FRAS1: variants seen among roughly 807,000 people sequenced by gnomAD.
FRAS1 encodes the protein extracellular matrix organizing protein FRAS1.
FRAS1 carries 290 observed loss-of-function variants against 435.2 expected under a neutral mutation model. The ratio of observed to expected loss-of-function variants is 0.67; its 90% CI spans 0.61 to 0.73. The LOEUF (loss-of-function observed/expected upper bound fraction) is 0.73, where lower values mean the gene tolerates loss of function less well. Ranked by LOEUF, FRAS1 falls within the 30% of genes least tolerant of loss-of-function variation. The pLI is 0.00. For synonymous variants in FRAS1, 1,800 were observed against 1,851.0 expected (o/e 0.97, Z 0.71); for missense variants, 4,860 against 5,001.5 (o/e 0.97, Z 0.85).
intron 9 of FRAS1, among the ~76,000 whole-genome samples, chr4:78,274,391 C>A (rs991651692): frequency 1.3e-5 from 2 of 152,090 alleles, no homozygotes; most frequent in African/African-American, 4.8e-5. Flanking sequence ...TCTCTAGTTC[C>A]TTTCATTGTG....
At chr4:78,369,045 A>G (rs66655467) in intron 22 of FRAS1, among the ~76,000 whole-genome samples, 25,445 of 152,204 alleles carry the variant, frequency 0.17, 2,736 homozygotes, top group East Asian at 0.34. Flanking sequence ...GGGGAAACCA[A>G]TTAGGAGGCT....
chr4:78,236,308 A>ATTTTT (rs146438795), intron 2 of FRAS1, among the ~76,000 whole-genome samples: 50 of 151,142 alleles, frequency 3.3e-4, no homozygotes, highest in South Asian at 1.5e-3. Context: ...TTATTTATTT[A>ATTTTT]TTTTTTGGCT....
Position 78,475,529 on chromosome 4 carries a change from G to C in FRAS1, c.7774G>C (p.Glu2592Gln). ...NQYAIVLCRT[E>Q]QGTASSSSRV... The stretch of plus-strand genomic sequence containing the variant: ...ATATGCCATCGTCCTGTGTCGCACC[G>C]AGCAAGGCACCGCCAGCTCCAGCTC... Residue 2592 changes from glutamate (E) to glutamine (Q), a missense_variant, in exon 54 of 74, where the codon GAG becomes CAG. Coordinates refer to ENST00000512123, the MANE Select transcript of FRAS1 (RefSeq NM_025074.7). 1 of 1,613,766 alleles carries C rather than the reference G, an allele frequency of 6.2e-7. No individual in the cohort carries two copies. The highest frequency in any genetic ancestry group is 8.5e-7 in the Non-Finnish European group (1 of 1,179,758).
intron 9 of FRAS1, among the ~76,000 whole-genome samples, chr4:78,272,369 G>T (rs186278823): frequency 1.7e-3 from 257 of 152,278 alleles, no homozygotes; most frequent in African/African-American, 6.0e-3. Flanking sequence ...TGGTGTTTTA[G>T]ACATGAAGTC....
At chr4:78,443,335 G>A (rs1351521956) in intron 41 of FRAS1, among the ~76,000 whole-genome samples, 1 of 152,198 alleles carries the variant, frequency 6.6e-6, no homozygotes, top group Non-Finnish European at 1.5e-5. Flanking sequence ...TCCAGCCTGG[G>A]CAGCAGAGGG....
At chr4:78,281,567 A>G in intron 11 of FRAS1, 134 bp downstream of exon 11, 1 of 545,166 alleles carries the variant, frequency 1.8e-6, no homozygotes. Context: ...ATGATCAGGA[A>G]TTAAGAATCT....
intron 2 of FRAS1, among the ~76,000 whole-genome samples, chr4:78,201,966 C>A (rs1044771607): frequency 6.6e-6 from 1 of 152,130 alleles, no homozygotes; most frequent in African/African-American, 2.4e-5. Flanking sequence ...GGGTCTCAAG[C>A]AGGGATAGAC....
intron 2 of FRAS1, among the ~76,000 whole-genome samples, chr4:78,220,736 T>G (rs1560587807): frequency 6.6e-6 from 1 of 152,190 alleles, no homozygotes; most frequent in Non-Finnish European, 1.5e-5. Context: ...CAGCCTTTGA[T>G]TGTACCTACT....
intron 58 of FRAS1, among the ~76,000 whole-genome samples, chr4:78,487,644 G>C (rs561395387): frequency 6.6e-6 from 1 of 152,150 alleles, no homozygotes; most frequent in Non-Finnish European, 1.5e-5. Flanking sequence ...TCTTCATATT[G>C]AGAATTCTGG....
chr4:78,505,801 G>A lies in FRAS1; in HGVS notation c.9317-1620G>A, dbSNP rs1026339396. Among the ~76,000 whole-genome samples the A allele has an allele frequency of 5.9e-5, 9 of 152,294 alleles. 1 individual carries two copies. Among genetic ancestry groups the A allele is most frequent in the East Asian group, 3.9e-4 (2 of 5,188 alleles). On this transcript the variant is annotated intron_variant, in intron 61 of 73. Coordinates refer to ENST00000512123, the MANE Select transcript of FRAS1 (RefSeq NM_025074.7). ...TGAGGAGCTGCGATCCTTTGGAGGAGAAGAGACACTCTGGTTTTTAGAATT... is the reference window on the plus strand; with the variant it reads ...TGAGGAGCTGCGATCCTTTGGAGGAAAAGAGACACTCTGGTTTTTAGAATT...
chr4:78,278,815 C>A, intron 10 of FRAS1, 71 bp downstream of exon 10: 1 of 897,158 alleles, frequency 1.1e-6, no homozygotes, highest in Non-Finnish European at 1.8e-6. Context: ...GGAACATTAC[C>A]TTCTTGTTTC....
chr4:78,376,392 G>A (rs1489649077), intron 26 of FRAS1, among the ~76,000 whole-genome samples: 1 of 152,104 alleles, frequency 6.6e-6, no homozygotes, highest in Admixed American at 6.6e-5. Context: ...TAACACAATA[G>A]TAAGTATTTG....
chr4:78,255,995 G>A (rs922572295), intron 6 of FRAS1, among the ~76,000 whole-genome samples: 3 of 152,114 alleles, frequency 2.0e-5, no homozygotes, highest in Admixed American at 6.6e-5. Flanking sequence ...CCAGAGGCTC[G>A]AATGGCTATT....
At chr4:78,249,087 G>A (rs868666417) in intron 4 of FRAS1, among the ~76,000 whole-genome samples, 5 of 12,238 alleles carry the variant, frequency 4.1e-4, no homozygotes, top group Non-Finnish European at 7.3e-4. Context: ...ATATATATAT[G>A]CATGTGCTGA....
At position 78,441,868 on chromosome 4, in the gene FRAS1, C is replaced by T. The variant is rs111670380; in HGVS notation, c.5665+571C>T. Among the ~76,000 whole-genome samples, 150 of 152,348 alleles carry T rather than the reference C, an allele frequency of 9.8e-4. 1 individual carries two copies. Among genetic ancestry groups the T allele is most frequent in the Middle Eastern group, 3.4e-3 (1 of 294 alleles). Reference sequence around the variant, plus strand: ...ACACTCTCTTCCACAGCCCTCCCCTCCACCATCTGCCCTGAACACTCTGGT... The same window carrying T: ...ACACTCTCTTCCACAGCCCTCCCCTTCACCATCTGCCCTGAACACTCTGGT... On this transcript the variant is annotated intron_variant, in intron 41 of 73. Transcript: ENST00000512123.
intron 14 of FRAS1, among the ~76,000 whole-genome samples, chr4:78,287,229 A>G (rs1727654218): frequency 6.6e-6 from 1 of 152,212 alleles, no homozygotes; most frequent in African/African-American, 2.4e-5. Context: ...CTCACTCACT[A>G]TCATGAGAAC....
intron 59 of FRAS1, among the ~76,000 whole-genome samples, chr4:78,492,171 CCATGCT>C (rs1300727820): frequency 6.6e-6 from 1 of 152,152 alleles, no homozygotes; most frequent in African/African-American, 2.4e-5. Context: ...GAAAAATATT[CCATGCT>C]CATGGATAAG....
intron 2 of FRAS1, among the ~76,000 whole-genome samples, chr4:78,079,522 T>C (rs76987487): frequency 3.1e-4 from 47 of 152,310 alleles, no homozygotes; most frequent in Non-Finnish European, 5.7e-4. Context: ...GTCTGTAATG[T>C]TCTGCTCCCT....
intron 56 of FRAS1, among the ~76,000 whole-genome samples, chr4:78,480,732 G>A (rs1052932743): frequency 7.9e-5 from 12 of 152,202 alleles, no homozygotes; most frequent in African/African-American, 2.9e-4. Flanking sequence ...AGGTCTTGAA[G>A]TCTTATGTAT....
Sources: gnomAD v4.1 joint callset for allele counts (sites outside exome capture counted in the v4.1 genomes callset) on GRCh38, gnomAD v4.1.1 for gene constraint, MANE v1.5 for transcripts, NCBI Gene and HGNC (gene_info 2026-07-23, HGNC 2026-07-21) for gene names.